PIGN: variants seen among roughly 807,000 people sequenced by gnomAD.
PIGN encodes the protein phosphatidylinositol glycan anchor biosynthesis class N, also known as GPI ethanolamine phosphate transferase 1.
In PIGN, 117 loss-of-function variants were observed where a neutral mutation model predicts 125.4. The ratio of observed to expected loss-of-function variants is 0.93; its 90% CI spans 0.80 to 1.09. The LOEUF is 1.09. Among genes scored for constraint, PIGN ranks in the 50% least tolerant of loss-of-function variants. The pLI, the probability that PIGN is intolerant of heterozygous loss-of-function variation, is 0.00. For synonymous variants in PIGN, 392 were observed against 377.8 expected (o/e 1.04, Z -0.44); for missense variants, 1,075 against 1,094.9 (o/e 0.98, Z 0.26).
At chr18:62,158,635 C>T (rs1044019160) in intron 4 of PIGN, among the ~76,000 whole-genome samples, 11 of 152,128 alleles carry the variant, frequency 7.2e-5, no homozygotes, top group African/African-American at 2.7e-4. Flanking sequence ...AAATAGTAAA[C>T]TCAACAATAA....
chr18:62,155,635 C>T (rs1485040777), intron 6 of PIGN, among the ~76,000 whole-genome samples: 1 of 152,176 alleles, frequency 6.6e-6, no homozygotes, highest in East Asian at 1.9e-4. Context: ...ACCAGTTCAG[C>T]TCTAATGACC....
At chr18:62,028,728 C>G (rs1228175376) in intron 23 of PIGN, among the ~76,000 whole-genome samples, 2 of 152,200 alleles carry the variant, frequency 1.3e-5, no homozygotes, top group African/African-American at 2.4e-5. Flanking sequence ...CCTTTGATAG[C>G]AGCATCCCAG....
At chr18:62,184,653 T>A (rs2037833768) in intron 1 of PIGN, 1 of 152,202 alleles carries the variant, frequency 6.6e-6, no homozygotes. Context: ...TACATGCAAG[T>A]TCTTACAACT....
intron 30 of PIGN, among the ~76,000 whole-genome samples, 189 bp from the exon 31 acceptor site, chr18:62,046,168 A>G (rs73448661): frequency 6.6e-6 from 1 of 152,288 alleles, no homozygotes; most frequent in African/African-American, 2.4e-5. Flanking sequence ...ACCTTCAAGT[A>G]CAGCTGTCCA....
At chr18:62,049,107 G>A (rs1173453781) in intron 30 of PIGN, among the ~76,000 whole-genome samples, 1 of 151,026 alleles carries the variant, frequency 6.6e-6, no homozygotes. Flanking sequence ...TATCATTGTT[G>A]GACATTTGGG....
rs189513831 is a variant in PIGN, at chr18:62,154,239, A to G, written c.549+306T>C. The G allele has an allele frequency of 1.3e-3, 520 of 406,350 alleles. 5 individuals are homozygous for G. Among genetic ancestry groups the G allele is most frequent in the African/African-American group, 0.01 (483 of 48,182 alleles). The allele number at this position is 406,350 out of a possible 1,614,324, so 25.2% of individuals were successfully genotyped here. A position where few individuals can be genotyped will look rare whatever the true frequency, so the allele number is the denominator to read the frequency against. On this transcript the variant is annotated intron_variant, in intron 7 of 30. Coordinates refer to ENST00000640252, the MANE Select transcript of PIGN (RefSeq NM_176787.5). ...ACATCTCATATGGTCCATTACTACA[A>G]GAGTCTGATTCCATGGTCAATGAAA... is the stretch of plus-strand genomic sequence containing the variant.
chr18:62,136,885 C>G (rs2035953835), intron 14 of PIGN: 3 of 391,348 alleles, frequency 7.7e-6, no homozygotes. Flanking sequence ...AAGGAAAACA[C>G]ATCTTCCTGG....
chr18:62,040,570 T>C (rs2030340756), downstream of PIGN, among the ~76,000 whole-genome samples: 1 of 152,220 alleles, frequency 6.6e-6, no homozygotes, highest in Non-Finnish European at 1.5e-5. Context: ...TCACTGTTGA[T>C]GTTCACATAG....
At chr18:62,073,938 A>G (rs910630486) in intron 29 of PIGN, among the ~76,000 whole-genome samples, 2 of 152,174 alleles carry the variant, frequency 1.3e-5, no homozygotes, top group Non-Finnish European at 2.9e-5. Context: ...ATATATGATG[A>G]GGGCTTTGGG....
chr18:62,061,727 G>T (rs1035261761), intron 30 of PIGN, among the ~76,000 whole-genome samples: 1 of 152,170 alleles, frequency 6.6e-6, no homozygotes, highest in African/African-American at 2.4e-5. Flanking sequence ...CTGCCGGTCA[G>T]TTTATAATAT....
chr18:62,035,605 C>T lies in PIGN; in HGVS notation c.2143-17864G>A, dbSNP rs12959250. ...GGTTTGTTACATATGTATACATGTG[C>T]CATGTTGGTGTGCTGCACCCATTAA... is the stretch of plus-strand genomic sequence containing the variant. On this transcript the variant is annotated intron_variant, in intron 23 of 24. Coordinates refer to the PIGN transcript ENST00000639600. 2.1e-3 allele frequency among the ~76,000 whole-genome samples: 321 copies of T among 152,050 alleles called. 4 individuals carry two copies. Among genetic ancestry groups the T allele is most frequent in the Middle Eastern group, 0.01 (3 of 294 alleles).
chr18:62,040,506 G>A (rs1250056281), downstream of PIGN, among the ~76,000 whole-genome samples: 6 of 152,182 alleles, frequency 3.9e-5, no homozygotes, highest in South Asian at 4.1e-4. Context: ...GAGGAAGTCC[G>A]TGTAGCTAAA....
chr18:62,088,110 A>G (rs2033792905), intron 25 of PIGN, among the ~76,000 whole-genome samples: 1 of 152,236 alleles, frequency 6.6e-6, no homozygotes, highest in Admixed American at 6.5e-5. Flanking sequence ...TACAATGTAT[A>G]CATATATCAA....
intron 30 of PIGN, among the ~76,000 whole-genome samples, chr18:62,060,446 T>C (rs1777992861): frequency 6.6e-6 from 1 of 152,198 alleles, no homozygotes; most frequent in Admixed American, 6.5e-5. Flanking sequence ...GTCATACCTG[T>C]TCAATGTACT....
chr18:62,018,578 C>A (rs541934783), intron 23 of PIGN, among the ~76,000 whole-genome samples: 1 of 152,146 alleles, frequency 6.6e-6, no homozygotes, highest in Non-Finnish European at 1.5e-5. Flanking sequence ...TGTTACATAC[C>A]TTTACCTTGT....
downstream of PIGN, among the ~76,000 whole-genome samples, chr18:62,036,742 T>G (rs1455604402): frequency 6.6e-6 from 1 of 152,212 alleles, no homozygotes; most frequent in Admixed American, 6.5e-5. Flanking sequence ...CCATAGGCCC[T>G]GAAAGAATCC....
chr18:62,058,550 T>C (rs971124351), intron 30 of PIGN, among the ~76,000 whole-genome samples: 2 of 152,184 alleles, frequency 1.3e-5, no homozygotes, highest in Non-Finnish European at 2.9e-5. Context: ...TTTACTCACA[T>C]GGGGAAATGG....
Position 62,069,833 on chromosome 18 carries a change from ATTG to A in PIGN, c.2672+2837_2672+2839del, listed in dbSNP as rs2032739206. ...ATACCATTGAACTGTACACTTAAAA[ATTG>A]TTATGATGACAAATTTCATTATGTG... On this transcript the variant is annotated intron_variant, in intron 30 of 30. Transcript: ENST00000640252. 2.6e-5 allele frequency: 4 copies of A among 152,346 alleles called. No homozygotes were observed. The South Asian group carries it at 8.3e-4, about 32-fold the overall frequency. 9.4% of individuals were successfully genotyped at this position (152,346 alleles called of 1,614,324 possible).
At chr18:62,120,339 G>A (rs899151358) in intron 14 of PIGN, among the ~76,000 whole-genome samples, 7 of 152,146 alleles carry the variant, frequency 4.6e-5, no homozygotes, top group Admixed American at 1.3e-4. Context: ...AATTTCACTT[G>A]AAAAGATGTT....
Sources: gnomAD v4.1 joint callset for allele counts (sites outside exome capture counted in the v4.1 genomes callset) on GRCh38, gnomAD v4.1.1 for gene constraint, MANE v1.5 for transcripts, NCBI Gene and HGNC (gene_info 2026-07-23, HGNC 2026-07-21) for gene names.